BANP: variants seen among roughly 807,000 people sequenced by gnomAD.
BANP encodes protein BANP.
BANP carries 11 observed loss-of-function variants against 68.1 expected under a neutral mutation model. That is an observed-to-expected ratio of 0.16 (90% CI 0.10 to 0.27). BANP has a LOEUF of 0.27. BANP is among the 10% of genes least tolerant of loss of function. The pLI is 1.00. For synonymous variants in BANP, 329 were observed against 303.2 expected, an observed-to-expected ratio of 1.09 and a Z score of -0.88; for missense variants, 504 against 722.7, an observed-to-expected ratio of 0.70 and a Z score of 3.47.
At chr16:87,973,768 A>AAAAAAAAAAAAGAAAG (rs2061546192) in intron 1 of BANP, among the ~76,000 whole-genome samples, 2 of 104,944 alleles carry the variant, frequency 1.9e-5, no homozygotes, top group Admixed American at 9.8e-5. Flanking sequence ...AAAAAAAAAA[A>AAAAAAAAAAAAGAAAG]AAAAAAGAAA....
chr16:87,973,081 G>C (rs984761878), intron 1 of BANP, among the ~76,000 whole-genome samples: 2 of 152,014 alleles, frequency 1.3e-5, no homozygotes, highest in African/African-American at 4.8e-5. Flanking sequence ...TCGTTCTGTT[G>C]TCGGTGTTGA....
intron 7 of BANP, among the ~76,000 whole-genome samples, chr16:88,021,903 T>C (rs2076104973): frequency 6.6e-6 from 1 of 152,192 alleles, no homozygotes; most frequent in Non-Finnish European, 1.5e-5. Flanking sequence ...TTTCTTTCTT[T>C]TTCTGGAGAA....
chr16:87,960,288 T>A lies in BANP; in HGVS notation c.-69+8773T>A, dbSNP rs1322169984. 1.3e-5 allele frequency among the ~76,000 whole-genome samples: 2 copies of A among 152,076 alleles called. 1 individual carries two copies. Among genetic ancestry groups the A allele is most frequent in the Middle Eastern group, 6.3e-3 (2 of 316 alleles). On this transcript the variant is annotated intron_variant, in intron 1 of 13. Coordinates refer to ENST00000682872, the MANE Select transcript of BANP (RefSeq NM_001386991.1). ...CTGACACCTGGGAGATGAATTTCAG[T>A]CTGATGGTGGATCTGGACCCAGATG... is the stretch of plus-strand genomic sequence containing the variant.
chr16:87,965,744 C>T (rs955147378), intron 1 of BANP, among the ~76,000 whole-genome samples: 7 of 152,118 alleles, frequency 4.6e-5, no homozygotes, highest in Admixed American at 1.3e-4. Flanking sequence ...GATTTAAGGC[C>T]AGGTTAAAGA....
chr16:88,006,293 A>G, intron 6 of BANP, 28 bp downstream of exon 6: 1 of 1,562,756 alleles, frequency 6.4e-7, no homozygotes, highest in Non-Finnish European at 8.7e-7. Context: ...TTCCTCGGCC[A>G]GAGCGCCAGT....
Position 87,957,514 on chromosome 16 carries a change from C to G in BANP, c.-69+5999C>G, listed in dbSNP as rs1283157194. ...ACCTGGGGCGGTTTTGAGGCAAGCTCACGGAGGCCTGCCGCAGGGCCCTGC... is the reference window on the plus strand; with the variant it reads ...ACCTGGGGCGGTTTTGAGGCAAGCTGACGGAGGCCTGCCGCAGGGCCCTGC... On this transcript the variant is annotated intron_variant, in intron 1 of 13. Transcript: ENST00000682872. This position sits in a 1 kb window ranked among gnomAD's most constrained non-coding sequence, Gnocchi z 4.3. Among the ~76,000 whole-genome samples the G allele has an allele frequency of 6.6e-6, 1 of 152,222 alleles. No homozygotes were observed. The highest frequency in any genetic ancestry group is 2.4e-5 in the African/African-American group (1 of 41,460).
chr16:87,959,825 A>T (rs1229053248), intron 1 of BANP: 1 of 152,740 alleles, frequency 6.5e-6, no homozygotes, highest in African/African-American at 2.4e-5. Context: ...GGGCGAGAGC[A>T]GGGCGATGAG....
At chr16:87,961,414 C>CCCCG (rs946756028) in intron 1 of BANP, among the ~76,000 whole-genome samples, 1 of 142,380 alleles carries the variant, frequency 7.0e-6, no homozygotes, top group Non-Finnish European at 1.6e-5. Context: ...TCTGCACCCC[C>CCCCG]CCGGGCCTCC....
At position 88,018,229 on chromosome 16, in the gene BANP, G is replaced by A. The variant is rs770497473; in HGVS notation, c.656-199G>A. Among the ~76,000 whole-genome samples, 1 of 152,090 alleles carries A rather than the reference G, an allele frequency of 6.6e-6. No individual in the cohort carries two copies. The highest frequency in any genetic ancestry group is 1.9e-4 in the East Asian group (1 of 5,190). ...CGCTTCTCGGGGGTGGTGGGATCGT[G>A]TCTGTTCCGCGTCAGTTCTTTCTTG... On this transcript the variant is annotated intron_variant, in intron 6 of 13. Coordinates refer to ENST00000682872, the MANE Select transcript of BANP (RefSeq NM_001386991.1). This position sits in a 1 kb window ranked among gnomAD's most constrained non-coding sequence, Gnocchi z 7.7.
intron 2 of BANP, among the ~76,000 whole-genome samples, chr16:87,980,214 T>A (rs568776737): frequency 1.3e-5 from 2 of 152,230 alleles, no homozygotes; most frequent in African/African-American, 4.8e-5. Flanking sequence ...GACCTTGAAC[T>A]TCTATCTATA....
chr16:87,999,083 C>T (rs2068259491), intron 4 of BANP, among the ~76,000 whole-genome samples: 1 of 144,180 alleles, frequency 6.9e-6, no homozygotes, highest in Admixed American at 6.9e-5. Flanking sequence ...CACGCACGTG[C>T]GCGGCTGTAC....
At chr16:87,981,661 A>G (rs2063307469) in intron 3 of BANP, among the ~76,000 whole-genome samples, 1 of 152,226 alleles carries the variant, frequency 6.6e-6, no homozygotes, top group South Asian at 2.1e-4. Context: ...TTTCTCTTGA[A>G]GAGCACAAAG....
intron 9 of BANP, among the ~76,000 whole-genome samples, chr16:88,034,838 TCC>T (rs1761265584): frequency 6.6e-6 from 1 of 152,210 alleles, no homozygotes; most frequent in African/African-American, 2.4e-5. Flanking sequence ...GCTTCCACTT[TCC>T]CAGGCTTTAA....
At chr16:87,955,532 T>C (rs1292544279) in intron 1 of BANP, among the ~76,000 whole-genome samples, 1 of 152,194 alleles carries the variant, frequency 6.6e-6, no homozygotes, top group Non-Finnish European at 1.5e-5. Flanking sequence ...TGACAGACCT[T>C]ATTCGAACTT....
At chr16:87,959,187 C>T (rs1411944607) in intron 1 of BANP, among the ~76,000 whole-genome samples, 5 of 152,256 alleles carry the variant, frequency 3.3e-5, no homozygotes, top group Non-Finnish European at 5.9e-5. Flanking sequence ...ACTGTGAAGC[C>T]GCTCGACTCT....
chr16:88,013,237 C>T (rs1172657351), intron 6 of BANP, among the ~76,000 whole-genome samples: 1 of 152,230 alleles, frequency 6.6e-6, no homozygotes, highest in African/African-American at 2.4e-5. Context: ...GAGCGCCTCT[C>T]CCGTGAGATG....
chr16:87,972,203 T>G (rs1434803437), intron 1 of BANP, among the ~76,000 whole-genome samples: 1 of 152,350 alleles, frequency 6.6e-6, no homozygotes, highest in Admixed American at 6.5e-5. Flanking sequence ...TTTTTATTCT[T>G]GAAAATTTTG....
intron 1 of BANP, among the ~76,000 whole-genome samples, chr16:87,973,905 G>A (rs933312071): frequency 6.6e-6 from 1 of 152,188 alleles, no homozygotes; most frequent in Non-Finnish European, 1.5e-5. Flanking sequence ...TTTCATTCCT[G>A]TTGGGACTTA....
At chr16:88,007,842 T>C (rs1341783563) in intron 6 of BANP, among the ~76,000 whole-genome samples, 2 of 151,768 alleles carry the variant, frequency 1.3e-5, no homozygotes, top group African/African-American at 4.9e-5. Flanking sequence ...GAAAGAGACG[T>C]TGAGTTGATC....
Sources: allele counts gnomAD v4.1 joint callset (sites outside exome capture counted in the v4.1 genomes callset), GRCh38; gene constraint gnomAD v4.1.1; non-coding constraint Gnocchi (gnomAD v3.1); transcripts MANE v1.5; gene names NCBI Gene and HGNC (gene_info 2026-07-23, HGNC 2026-07-21).